The following DSCAM variants were observed in gnomAD, a reference collection of about 807,000 sequenced individuals.
The protein encoded by DSCAM is DS cell adhesion molecule, also known as cell adhesion molecule DSCAM.
In DSCAM, 47 loss-of-function variants were observed where a neutral mutation model predicts 217.7. The observed-to-expected ratio is 0.22, with a 90% CI of 0.17 to 0.28. DSCAM has a LOEUF of 0.28. DSCAM is among the 10% of genes least tolerant of loss of function. The probability of loss-of-function intolerance (pLI) is 1.00; values close to 1 mark genes in which losing one functional copy is unlikely to be tolerated. For synonymous variants in DSCAM, 1,056 were observed against 1,015.3 expected (o/e 1.04, Z -0.76); for missense variants, 2,080 against 2,618.3 (o/e 0.79, Z 4.49).
intron 3 of DSCAM, among the ~76,000 whole-genome samples, chr21:40,527,510 C>T (rs190369857): frequency 1.1e-4 from 17 of 152,306 alleles, no homozygotes; most frequent in Admixed American, 5.9e-4. Flanking sequence ...ATCTTCCTAA[C>T]ACATAGCTGG....
At chr21:40,373,164 G>A (rs1306928775) in intron 3 of DSCAM, among the ~76,000 whole-genome samples, 1 of 152,192 alleles carries the variant, frequency 6.6e-6, no homozygotes, top group East Asian at 1.9e-4. Flanking sequence ...AATAGCAGCA[G>A]TTCTAGAAAT....
chr21:40,807,985 A>C (rs982934290), intron 1 of DSCAM, among the ~76,000 whole-genome samples: 18 of 152,138 alleles, frequency 1.2e-4, no homozygotes, highest in Non-Finnish European at 2.4e-4. Context: ...TTCTGGGCCT[A>C]AGTACACATC....
intron 3 of DSCAM, among the ~76,000 whole-genome samples, chr21:40,435,175 G>A (rs1298513280): frequency 6.6e-6 from 1 of 152,196 alleles, no homozygotes; most frequent in Non-Finnish European, 1.5e-5. Flanking sequence ...GAGGTGGCGT[G>A]GCACACCAGT....
At chr21:40,681,275 G>A (rs1322506424) in intron 3 of DSCAM, among the ~76,000 whole-genome samples, 4 of 152,202 alleles carry the variant, frequency 2.6e-5, no homozygotes, top group African/African-American at 9.6e-5. Flanking sequence ...CTTGGTCCAG[G>A]ACTGCCTGGA....
chr21:40,429,661 C>G (rs2075511741), intron 3 of DSCAM, among the ~76,000 whole-genome samples: 1 of 152,200 alleles, frequency 6.6e-6, no homozygotes, highest in Non-Finnish European at 1.5e-5. Context: ...GTTAAACGCC[C>G]TTGTACTTCA....
intron 3 of DSCAM, among the ~76,000 whole-genome samples, chr21:40,582,522 A>C (rs758424856): frequency 6.6e-6 from 1 of 152,228 alleles, no homozygotes; most frequent in Non-Finnish European, 1.5e-5. Flanking sequence ...TGTAGTAAAC[A>C]TAGCTTTTGT....
chr21:40,583,478 C>G (rs2076920509), intron 3 of DSCAM, among the ~76,000 whole-genome samples: 1 of 152,168 alleles, frequency 6.6e-6, no homozygotes, highest in African/African-American at 2.4e-5. Flanking sequence ...CCTTCTTCCA[C>G]CACACCTGAC....
At chr21:40,827,806 A>G (rs2091982321) in intron 1 of DSCAM, among the ~76,000 whole-genome samples, 1 of 152,200 alleles carries the variant, frequency 6.6e-6, no homozygotes, top group Non-Finnish European at 1.5e-5. Flanking sequence ...CTCATGTGAT[A>G]AGAAGCATGA....
At chr21:40,221,336 AATT>A (rs1253670841) in intron 11 of DSCAM, among the ~76,000 whole-genome samples, 1 of 151,578 alleles carries the variant, frequency 6.6e-6, no homozygotes, top group Admixed American at 6.6e-5. Flanking sequence ...TAACCTGAAA[AATT>A]ATTTCATATG....
intron 3 of DSCAM, among the ~76,000 whole-genome samples, chr21:40,461,354 C>T (rs971119856): frequency 6.6e-6 from 1 of 152,052 alleles, no homozygotes; most frequent in African/African-American, 2.4e-5. Flanking sequence ...TTCTAAAATC[C>T]CTTTTCCAGG....
At chr21:40,794,180 C>A (rs544449791) in intron 1 of DSCAM, among the ~76,000 whole-genome samples, 1 of 152,092 alleles carries the variant, frequency 6.6e-6, no homozygotes, top group Non-Finnish European at 1.5e-5. Flanking sequence ...GCTGCACACT[C>A]TTCGTCTATC....
rs149150770 is a variant in DSCAM, at chr21:40,608,412, T to C, written c.508+84398A>G. Among the ~76,000 whole-genome samples, 3 of 152,340 alleles carry C rather than the reference T, an allele frequency of 2.0e-5. No individual in the cohort carries two copies. The East Asian group carries it at 5.8e-4, about 29-fold the overall frequency. On this transcript the variant is annotated intron_variant, in intron 3 of 32. Coordinates refer to ENST00000400454, the MANE Select transcript of DSCAM (RefSeq NM_001389.5). ...GAGTAACAAAAAAGAAACCGTGCCA[T>C]TGTATACCAGGTAACATTGTATATT...
At chr21:40,716,739 C>G (rs2090846575) in intron 1 of DSCAM, among the ~76,000 whole-genome samples, 1 of 152,154 alleles carries the variant, frequency 6.6e-6, no homozygotes, top group Admixed American at 6.5e-5. Flanking sequence ...CAAGCATTCA[C>G]TGATGCAATA....
chr21:40,823,357 T>C (rs950491219), intron 1 of DSCAM, among the ~76,000 whole-genome samples: 1 of 151,926 alleles, frequency 6.6e-6, no homozygotes, highest in Admixed American at 6.6e-5. Flanking sequence ...ATGAAATGAA[T>C]TGTAAATTAT....
chr21:40,533,126 G>C (rs750897631), intron 3 of DSCAM, among the ~76,000 whole-genome samples: 1 of 152,190 alleles, frequency 6.6e-6, no homozygotes, highest in Non-Finnish European at 1.5e-5. Flanking sequence ...AGTGAAAAGG[G>C]ATTCTGTAGG....
intron 1 of DSCAM, among the ~76,000 whole-genome samples, chr21:40,807,333 G>A (rs2091797226): frequency 6.6e-6 from 1 of 152,178 alleles, no homozygotes. Context: ...CATCCTTCCA[G>A]GTCAGCCTCT....
intron 1 of DSCAM, among the ~76,000 whole-genome samples, chr21:40,823,077 G>A (rs1299036790): frequency 1.3e-5 from 2 of 152,152 alleles, no homozygotes; most frequent in East Asian, 3.9e-4. Context: ...TTGAACCCGG[G>A]AGGCAGAAGT....
intron 4 of DSCAM, among the ~76,000 whole-genome samples, chr21:40,363,241 T>C (rs939364647): frequency 1.0e-4 from 15 of 144,522 alleles, no homozygotes; most frequent in African/African-American, 3.9e-4. Context: ...GTACCAATAG[T>C]TTTTTGTGTT....
intron 2 of DSCAM, among the ~76,000 whole-genome samples, chr21:40,701,188 T>C (rs1479929825): frequency 1.3e-5 from 2 of 152,156 alleles, no homozygotes; most frequent in African/African-American, 4.8e-5. Context: ...CTTGAGTGAG[T>C]CTTGATAGTT....
Sources: gnomAD v4.1 joint callset for allele counts (sites outside exome capture counted in the v4.1 genomes callset) on GRCh38, gnomAD v4.1.1 for gene constraint, MANE v1.5 for transcripts, NCBI Gene and HGNC (gene_info 2026-07-23, HGNC 2026-07-21) for gene names.